Variants in AGO2 observed in about 807,000 individuals in gnomAD.
AGO2 encodes the protein argonaute RISC catalytic component 2, also known as protein argonaute-2.
Under a neutral mutation model 102.3 loss-of-function variants are expected in AGO2, and 5 were observed. The observed-to-expected ratio is 0.05, with a 90% CI of 0.03 to 0.10. The LOEUF is 0.10. Among genes scored for constraint, AGO2 ranks in the 10% least tolerant of loss-of-function variants. The pLI is 1.00. For synonymous variants in AGO2, 449 were observed against 473.1 expected, an observed-to-expected ratio of 0.95 and a Z score of 0.66; for missense variants, 541 against 1,183.7, an observed-to-expected ratio of 0.46 and a Z score of 7.97.
chr8:140,568,954 G>A (rs2073336813), intron 3 of AGO2, among the ~76,000 whole-genome samples: 1 of 152,208 alleles, frequency 6.6e-6, no homozygotes. Flanking sequence ...GCCAGGCCCA[G>A]GCTGGGCAGG....
At chr8:140,537,285 G>C (rs1284494374) in intron 16 of AGO2, among the ~76,000 whole-genome samples, 1 of 151,542 alleles carries the variant, frequency 6.6e-6, no homozygotes, top group Non-Finnish European at 1.5e-5. Flanking sequence ...GACCTGGCTT[G>C]GCTTGTTCAT....
At chr8:140,598,882 G>A (rs1011222054) in intron 1 of AGO2, among the ~76,000 whole-genome samples, 2 of 152,176 alleles carry the variant, frequency 1.3e-5, no homozygotes, top group Non-Finnish European at 2.9e-5. Context: ...CCGTGGGCTC[G>A]CACCACCAGC....
rs1564077220 is a variant in AGO2, at chr8:140,544,245, C to T, written c.1807G>A (p.Ala603Thr). 4 of 1,595,292 alleles carry T rather than the reference C, an allele frequency of 2.5e-6. No individual in the cohort carries two copies. The highest frequency in any genetic ancestry group is 3.4e-6 in the Non-Finnish European group (4 of 1,172,962). The change falls in exon 14 of 19, where the codon GCC (alanine) becomes ACC (threonine). Residue 603 changes from alanine to threonine, a missense_variant. By Grantham distance (58) the Ala-to-Thr change is moderately conservative. Transcript: ENST00000220592. ...FLGADVTHPP[A>T]GDGKKPSIAA... ...ATGGAGGGCTTCTTCCCATCCCCGG[C>T]GGGGGGGTGAGTGACGTCTGCTCCC...
At chr8:140,606,311 C>G (rs761832345) in intron 1 of AGO2, among the ~76,000 whole-genome samples, 3 of 152,200 alleles carry the variant, frequency 2.0e-5, no homozygotes, top group Non-Finnish European at 4.4e-5. Flanking sequence ...CCACCTACTG[C>G]GAGAGCAAGC....
At position 140,545,850 on chromosome 8, in the gene AGO2, A is replaced by G. The variant is rs1382568470; in HGVS notation, c.1749-1547T>C. On this transcript the variant is annotated intron_variant, in intron 13 of 18. Coordinates refer to ENST00000220592, the MANE Select transcript of AGO2 (RefSeq NM_012154.5). Reference sequence around the variant, plus strand: ...GCTTCACGGAGCCAGAGGTGGCCACACTGTCGGGTGCCTCCGACGGCCCCA... The same window carrying G: ...GCTTCACGGAGCCAGAGGTGGCCACGCTGTCGGGTGCCTCCGACGGCCCCA... Among the ~76,000 whole-genome samples, 3 of 152,308 alleles carry G rather than the reference A, an allele frequency of 2.0e-5. No homozygotes were observed. In the East Asian group the frequency reaches 5.8e-4, roughly 29 times the overall value.
intron 1 of AGO2, among the ~76,000 whole-genome samples, chr8:140,600,900 C>G (rs1336673753): frequency 6.6e-6 from 1 of 151,984 alleles, no homozygotes; most frequent in African/African-American, 2.4e-5. Flanking sequence ...CCACTGCACA[C>G]CAGCCTGGGC....
intron 1 of AGO2, among the ~76,000 whole-genome samples, chr8:140,624,527 A>C (rs980948623): frequency 1.3e-5 from 2 of 152,244 alleles, no homozygotes; most frequent in African/African-American, 2.4e-5. Flanking sequence ...GGCTACACCC[A>C]GGAGATGCAG....
intron 3 of AGO2, among the ~76,000 whole-genome samples, chr8:140,570,095 AC>A (rs1414040249): frequency 6.6e-6 from 1 of 152,256 alleles, no homozygotes; most frequent in Non-Finnish European, 1.5e-5. Context: ...TAATTTCTGC[AC>A]CCTGCAGAGA....
At chr8:140,535,647 C>T in intron 16 of AGO2, 78 bp from the exon 17 acceptor site, 1 of 1,406,288 alleles carries the variant, frequency 7.1e-7, no homozygotes, top group South Asian at 1.2e-5. Flanking sequence ...AGCCGCGCCG[C>T]CCGCTGGCCA....
At position 140,556,189 on chromosome 8, in the gene AGO2, C is replaced by T; in HGVS notation, c.1124G>A (p.Arg375Gln). 1 of 1,614,226 alleles carries T rather than the reference C, an allele frequency of 6.2e-7. No individual in the cohort carries two copies. The highest frequency in any genetic ancestry group is 1.1e-5 in the South Asian group (1 of 91,082). ...IRATARSAPD[R>Q]QEEISKLMRS... ...CACCAATTTGCTAATCTCTTCTTGC[C>T]GATCGGGCGCCGACCTAGCAGTCGC... The change falls in exon 9 of 19, where the codon CGG becomes CAG. Residue 375 changes from arginine to glutamine, a missense_variant. Physicochemically the swap from Arg to Gln is conservative, Grantham distance 43. Around this residue, in one of 6 missense-constraint regions of AGO2, gnomAD observed 309 missense variants for 735.1 expected, o/e 0.42. Transcript: ENST00000220592.
intron 3 of AGO2, among the ~76,000 whole-genome samples, chr8:140,571,647 A>G (rs1420180405): frequency 1.3e-5 from 2 of 152,240 alleles, no homozygotes; most frequent in African/African-American, 4.8e-5. Flanking sequence ...TTTAAAAAGC[A>G]AACTGTGTAT....
intron 16 of AGO2, among the ~76,000 whole-genome samples, chr8:140,536,899 T>G (rs1173733812): frequency 6.6e-6 from 1 of 152,230 alleles, no homozygotes; most frequent in Non-Finnish European, 1.5e-5. Flanking sequence ...ATCCTTCCTA[T>G]GTCTTTAGGC....
At chr8:140,536,483 C>T (rs543702770) in intron 16 of AGO2, among the ~76,000 whole-genome samples, 1 of 152,022 alleles carries the variant, frequency 6.6e-6, no homozygotes, top group Non-Finnish European at 1.5e-5. Context: ...TGTGCCACCA[C>T]GGCCGGCTAA....
In AGO2 at chr8:140,567,622, A is replaced by G. The variant is rs1335614456; in HGVS notation, c.337-4988T>C. Among the ~76,000 whole-genome samples, 1 of 152,214 alleles carries G rather than the reference A, an allele frequency of 6.6e-6. No individual in the cohort carries two copies. The highest frequency in any genetic ancestry group is 1.5e-5 in the Non-Finnish European group (1 of 68,030). Reference sequence around the variant, plus strand: ...GTGGCCCAACTGCCATTTTCTGAACATGGATAATAGAAAATGTCAGCCCAG... The same window carrying G: ...GTGGCCCAACTGCCATTTTCTGAACGTGGATAATAGAAAATGTCAGCCCAG... On this transcript the variant is annotated intron_variant, in intron 3 of 18. Coordinates refer to ENST00000220592, the MANE Select transcript of AGO2 (RefSeq NM_012154.5). The surrounding 1 kb of genome is among the most constrained non-coding windows in gnomAD (Gnocchi z 5.0).
chr8:140,624,835 T>C (rs2074255607), intron 1 of AGO2, among the ~76,000 whole-genome samples: 1 of 152,192 alleles, frequency 6.6e-6, no homozygotes, highest in Non-Finnish European at 1.5e-5. Context: ...GGATCTGCAA[T>C]GAGAAACGGG....
At chr8:140,611,173 G>C (rs2074072562) in intron 1 of AGO2, among the ~76,000 whole-genome samples, 1 of 152,180 alleles carries the variant, frequency 6.6e-6, no homozygotes, top group African/African-American at 2.4e-5. Context: ...AGGTGCATCT[G>C]CACAGTGCAA....
intron 13 of AGO2, among the ~76,000 whole-genome samples, chr8:140,546,060 T>C (rs1215153455): frequency 6.6e-5 from 10 of 152,174 alleles, no homozygotes; most frequent in Non-Finnish European, 1.5e-4. Flanking sequence ...TGCCCACTTA[T>C]GGCCCAAACT....
chr8:140,570,539 G>C (rs2073361654), intron 3 of AGO2, among the ~76,000 whole-genome samples: 1 of 152,122 alleles, frequency 6.6e-6, no homozygotes, highest in Non-Finnish European at 1.5e-5. Flanking sequence ...CTTAAACAAA[G>C]AATTTTAAAC....
chr8:140,560,246 C>T (rs371569465), intron 5 of AGO2, 128 bp downstream of exon 5: 85 of 1,377,460 alleles, frequency 6.2e-5, no homozygotes, highest in South Asian at 8.2e-5. Context: ...CCAGGTGTCA[C>T]GCAGCGGCGC....
Sources: gnomAD v4.1 joint callset for allele counts (sites outside exome capture counted in the v4.1 genomes callset) on GRCh38, gnomAD v4.1.1 for gene constraint, gnomAD v4.1.1 regional missense constraint, Gnocchi (gnomAD v3.1) non-coding constraint, MANE v1.5 for transcripts, NCBI Gene and HGNC (gene_info 2026-07-23, HGNC 2026-07-21) for gene names.